The following CAPN14 variants were observed in gnomAD, a reference collection of about 807,000 sequenced individuals.
CAPN14 encodes calpain 14.
In CAPN14, 94 loss-of-function variants were observed where a neutral mutation model predicts 101.3. The observed-to-expected ratio is 0.93, with a 90% CI of 0.79 to 1.10. The LOEUF (loss-of-function observed/expected upper bound fraction) is 1.10, where lower values mean the gene tolerates loss of function less well. Among genes scored for constraint, CAPN14 ranks in the 50% least tolerant of loss-of-function variants. The pLI is 0.00. For missense variants in CAPN14, 837 were observed against 828.4 expected (o/e 1.01, Z -0.13); for synonymous variants, 338 against 317.9 (o/e 1.06, Z -0.67).
At position 31,189,316 on chromosome 2, in the gene CAPN14, A is replaced by C; in HGVS notation, c.1450T>G (p.Ser484Ala). The change falls in exon 13 of 22, where the codon TCA (serine) becomes GCA (alanine). Residue 484 changes from serine to alanine, a missense_variant. Physicochemically the swap from Ser to Ala is moderately conservative, Grantham distance 99. Coordinates refer to ENST00000403897, the MANE Select transcript of CAPN14 (RefSeq NM_001145122.2). The part of the protein sequence containing the change: ...VPCILEAHQK[S>A]EFVLRVFSRK... ...GAGAAGACCCTGAGGACGAACTCTG[A>C]CTTCTGGTGGGCCTCCAATATGCAG... 2 of 1,551,664 alleles carry C rather than the reference A, an allele frequency of 1.3e-6. No individual in the cohort carries two copies. The highest frequency in any genetic ancestry group is 1.7e-6 in the Non-Finnish European group (2 of 1,147,008).
In CAPN14 at chr2:31,200,564, T is replaced by A. The variant is rs551311669; in HGVS notation, c.613A>T (p.Thr205Ser). The part of the protein sequence containing the change: ...GQVSEALVDF[T>S]GGVTMTINLA... ...TTGATGGTCATTGTCACCCCTCCAG[T>A]GAAGTCTACAAGGGCTTCAGACACC... The change falls in exon 6 of 22, where the codon ACT (threonine) becomes TCT (serine). Residue 205 changes from threonine (T) to serine (S), a missense_variant. Transcript: ENST00000403897. The A allele has an allele frequency of 2.6e-6, 4 of 1,551,648 alleles. No individual in the cohort carries two copies. In the East Asian group the frequency reaches 9.8e-5, roughly 38 times the overall value.
intron 1 of CAPN14, among the ~76,000 whole-genome samples, chr2:31,227,092 G>C (rs1434545416): frequency 1.3e-5 from 2 of 152,148 alleles, no homozygotes; most frequent in East Asian, 1.9e-4. Context: ...GGAGATTTTC[G>C]AATTATAGCT....
At chr2:31,213,658 T>C (rs1443152162) in intron 1 of CAPN14, among the ~76,000 whole-genome samples, 1 of 152,246 alleles carries the variant, frequency 6.6e-6, no homozygotes, top group African/African-American at 2.4e-5. Context: ...TTATCTCTAA[T>C]TGATTCGTTG....
At position 31,191,946 on chromosome 2, in the gene CAPN14, A is replaced by G. The variant is rs1457346021; in HGVS notation, c.1267T>C (p.Tyr423His). 1 of 1,550,700 alleles carries G rather than the reference A, an allele frequency of 6.4e-7. No homozygotes were observed. Among genetic ancestry groups the G allele is most frequent in the South Asian group, 1.2e-5 (1 of 83,902 alleles). The stretch of plus-strand genomic sequence containing the variant: ...AGAGGTCCACCTACCCTATACAGGT[A>G]GAAGCCAATGGCGAGGAGAGGCTTC... ...KRKPLLAIGF[Y>H]LYRMNKYHDD... The change falls in exon 11 of 22, where the codon TAC (tyrosine) becomes CAC (histidine). Residue 423 changes from tyrosine to histidine, a missense_variant. Transcript: ENST00000403897.
In CAPN14 at chr2:31,226,281, G is replaced by T. The variant is rs189788455; in HGVS notation, c.-53+247C>A. ...CGCTCATAGGTTCTGCCTTTATCAG[G>T]TTCTCTGTGCTCACAGACATTTTTG... On this transcript the variant is annotated intron_variant and NMD_transcript_variant, in intron 2 of 21. Transcript: ENST00000398824. 3.3e-5 allele frequency among the ~76,000 whole-genome samples: 5 copies of T among 152,182 alleles called. No homozygotes were observed. The South Asian group carries it at 8.3e-4, about 25-fold the overall frequency.
In CAPN14 at chr2:31,192,997, C is replaced by T; in HGVS notation, c.1114+134G>A. On this transcript the variant is annotated intron_variant, in intron 10 of 21. Transcript: ENST00000403897. ...CTGTGGTTATAGCCCAGGGCCCCAA[C>T]ACACAGTGAGGCAAGCAGAGCCTCC... The T allele has an allele frequency of 3.4e-6, 3 of 891,530 alleles. No individual in the cohort carries two copies. In the South Asian group the frequency reaches 5.0e-5, roughly 15 times the overall value. The allele number at this position is 891,530 out of a possible 1,614,324, so 55.2% of individuals were successfully genotyped here. A position where few individuals can be genotyped will look rare whatever the true frequency, so the allele number is the denominator to read the frequency against.
intron 16 of CAPN14, among the ~76,000 whole-genome samples, chr2:31,183,401 C>T (rs532031614): frequency 0.017 from 2,546 of 152,210 alleles, 40 homozygotes; most frequent in South Asian, 0.042. Context: ...GAACAGGCAA[C>T]CTACAAAATG....
chr2:31,184,207 T>C (rs1261171894), intron 16 of CAPN14, among the ~76,000 whole-genome samples: 1 of 152,190 alleles, frequency 6.6e-6, no homozygotes, highest in African/African-American at 2.4e-5. Context: ...TGATGGATGC[T>C]TTGTCAGTTA....
At chr2:31,181,529 T>TTTA (rs10676468) in intron 16 of CAPN14, among the ~76,000 whole-genome samples, 45,025 of 142,674 alleles carry the variant, frequency 0.32, 8,938 homozygotes, top group African/African-American at 0.53. Flanking sequence ...ATTTTTTTAT[T>TTTA]TTATTATTAT....
rs1347358005 is a variant in CAPN14, at chr2:31,200,527, G to A, written c.650C>T (p.Ala217Val). ...GAGGATGTCCCAGAGGTTGCCATGG[G>A]CTTCTGCCAGGTTGATGGTCATTGT... is the stretch of plus-strand genomic sequence containing the variant. ...GVTMTINLAE[A>V]HGNLWDILIE... The change falls in exon 6 of 22, where the codon GCC (alanine) becomes GTC (valine). Residue 217 changes from alanine (A) to valine (V), a missense_variant. Coordinates refer to ENST00000403897, the MANE Select transcript of CAPN14 (RefSeq NM_001145122.2). 6.4e-7 allele frequency: 1 copy of A among 1,551,618 alleles called. No individual in the cohort carries two copies. Among genetic ancestry groups the A allele is most frequent in the South Asian group, 1.2e-5 (1 of 84,052 alleles).
chr2:31,189,046 C>A (rs910267522), intron 13 of CAPN14, among the ~76,000 whole-genome samples: 4 of 152,198 alleles, frequency 2.6e-5, no homozygotes, highest in African/African-American at 9.6e-5. Flanking sequence ...TGTGTTTTAT[C>A]TTTTTCTCTC....
intron 1 of CAPN14, among the ~76,000 whole-genome samples, chr2:31,233,143 C>A (rs1373986586): frequency 6.6e-6 from 1 of 152,170 alleles, no homozygotes; most frequent in African/African-American, 2.4e-5. Context: ...GAGAACTTAG[C>A]CCAGGCCCCT....
Position 31,180,814 on chromosome 2 carries a change from T to C in CAPN14, c.1710+122A>G, listed in dbSNP as rs1385422000. On this transcript the variant is annotated intron_variant, in intron 17 of 21. Coordinates refer to ENST00000403897, the MANE Select transcript of CAPN14 (RefSeq NM_001145122.2). ...CATCTGGATACATAATGAGGCTCAG[T>C]GGCTTGTCCAGGATCCCACAATTAG... 14 of 777,062 alleles carry C rather than the reference T, an allele frequency of 1.8e-5. No homozygotes were observed. In the East Asian group the frequency reaches 3.5e-4, roughly 20 times the overall value. 48.1% of individuals were successfully genotyped at this position (777,062 alleles called of 1,614,324 possible). A position where few individuals can be genotyped will look rare whatever the true frequency, so the allele number is the denominator to read the frequency against.
At chr2:31,207,232 G>A (rs137907571) in intron 1 of CAPN14, among the ~76,000 whole-genome samples, 1,974 of 152,220 alleles carry the variant, frequency 0.013, 18 homozygotes, top group Non-Finnish European at 0.023. Flanking sequence ...ATCCCCCAAA[G>A]TCTAACTTGA....
chr2:31,198,093 T>C (rs537608819), intron 7 of CAPN14, among the ~76,000 whole-genome samples: 5 of 152,208 alleles, frequency 3.3e-5, no homozygotes, highest in African/African-American at 4.8e-5. Context: ...AAAAGTCAAG[T>C]TGGGAACTGC....
intron 2 of CAPN14, among the ~76,000 whole-genome samples, chr2:31,224,210 A>G (rs1056728387): frequency 2.0e-5 from 3 of 152,172 alleles, no homozygotes; most frequent in Non-Finnish European, 2.9e-5. Context: ...CTACGGTCTC[A>G]GCTTCCATTG....
At chr2:31,190,415 A>C (rs1681119816) in intron 12 of CAPN14, among the ~76,000 whole-genome samples, 1 of 152,334 alleles carries the variant, frequency 6.6e-6, no homozygotes, top group South Asian at 2.1e-4. Flanking sequence ...AGAACTAGGG[A>C]ATCATCCAAT....
At chr2:31,211,336 T>C (rs1682392650) in intron 1 of CAPN14, among the ~76,000 whole-genome samples, 1 of 152,146 alleles carries the variant, frequency 6.6e-6, no homozygotes. Context: ...ACATGTAGAA[T>C]ATCTAAGAAA....
chr2:31,223,164 T>G lies in CAPN14; in HGVS notation c.-53+3364A>C, dbSNP rs191971989. On this transcript the variant is annotated intron_variant and NMD_transcript_variant, in intron 2 of 21. Coordinates refer to the CAPN14 transcript ENST00000398824. ...TTTTGTCCTAGCAGCCTAAACTGAC[T>G]AAGACAAAAGGAGAAGTGTAAACTG... 8.6e-4 allele frequency among the ~76,000 whole-genome samples: 131 copies of G among 152,310 alleles called. 1 individual carries two copies. In the Middle Eastern group the frequency reaches 0.02, roughly 24 times the overall value.
Sources: gnomAD v4.1 joint callset for allele counts (sites outside exome capture counted in the v4.1 genomes callset) on GRCh38, gnomAD v4.1.1 for gene constraint, MANE v1.5 for transcripts, NCBI Gene and HGNC (gene_info 2026-07-23, HGNC 2026-07-21) for gene names.